The following RAB40B variants were observed in gnomAD, a reference collection of about 807,000 sequenced individuals.
The protein encoded by RAB40B is ras-related protein Rab-40B.
In RAB40B, 21 loss-of-function variants were observed where a neutral mutation model predicts 24.0. The observed-to-expected ratio is 0.88, with a 90% CI of 0.62 to 1.26. RAB40B has a LOEUF of 1.26. Among genes scored for constraint, RAB40B ranks in the 50% most tolerant of loss-of-function variants. The pLI is 0.00. For synonymous variants in RAB40B, 167 were observed against 169.8 expected (o/e 0.98, Z 0.13); for missense variants, 348 against 390.5 (o/e 0.89, Z 0.92).
At chr17:82,662,120 TTG>T in intron 2 of RAB40B, 1 of 985,396 alleles carries the variant, frequency 1.0e-6, no homozygotes, top group Non-Finnish European at 1.2e-6. Flanking sequence ...GTTTTGCTGT[TTG>T]TGTCACATGC....
In RAB40B at chr17:82,697,294, T is replaced by C. The variant is rs2046619696; in HGVS notation, c.142+1161A>G. ...GGTGCTCACGCCGCCTGCCTGGAGCTGCCCTTAGGGGACAGCCTGCACCCT... is the reference window on the plus strand; with the variant it reads ...GGTGCTCACGCCGCCTGCCTGGAGCCGCCCTTAGGGGACAGCCTGCACCCT... On this transcript the variant is annotated intron_variant, in intron 1 of 5. Coordinates refer to ENST00000571995, the MANE Select transcript of RAB40B (RefSeq NM_006822.3). This position sits in a 1 kb window ranked among gnomAD's most constrained non-coding sequence, Gnocchi z 4.9. Among the ~76,000 whole-genome samples the C allele has an allele frequency of 6.6e-6, 1 of 152,080 alleles. No individual in the cohort carries two copies. The highest frequency in any genetic ancestry group is 1.5e-5 in the Non-Finnish European group (1 of 68,010).
chr17:82,667,152 G>A lies in RAB40B; in HGVS notation c.143-2596C>T, dbSNP rs530609684. Among the ~76,000 whole-genome samples the A allele has an allele frequency of 3.3e-5, 5 of 152,318 alleles. No individual in the cohort carries two copies. The South Asian group carries it at 6.2e-4, about 19-fold the overall frequency. ...AAAAATGCGAGGCTGCGGAGGCCAC[G>A]GTTCTCAAGCAGCTTCTGCCCCCTC... On this transcript the variant is annotated intron_variant, in intron 1 of 5. Transcript: ENST00000571995. The surrounding 1 kb of genome is among the most constrained non-coding windows in gnomAD (Gnocchi z 4.3).
intron 1 of RAB40B, among the ~76,000 whole-genome samples, chr17:82,676,503 C>T (rs756384225): frequency 6.6e-5 from 10 of 151,566 alleles, no homozygotes; most frequent in Non-Finnish European, 1.3e-4. Context: ...AATTCCGTGG[C>T]GAGTCTCTCG....
intron 1 of RAB40B, chr17:82,696,626 G>C (rs1368959340): frequency 9.3e-6 from 1 of 107,030 alleles, no homozygotes; most frequent in Non-Finnish European, 1.9e-5. Context: ...TGTCCTCCAG[G>C]CGCTCAATCT....
At chr17:82,680,462 C>G (rs1028204500) in intron 1 of RAB40B, among the ~76,000 whole-genome samples, 5 of 152,092 alleles carry the variant, frequency 3.3e-5, no homozygotes, top group African/African-American at 1.2e-4. Flanking sequence ...GAGGCCACCC[C>G]ACCAAGGCTG....
intron 1 of RAB40B, among the ~76,000 whole-genome samples, chr17:82,682,488 C>T (rs928328887): frequency 6.6e-5 from 10 of 152,296 alleles, no homozygotes; most frequent in Admixed American, 2.0e-4. Flanking sequence ...CAAGTCTCCC[C>T]AATTGATCTA....
In RAB40B at chr17:82,661,000, GAGTAGGAGCGGAATATGGT is replaced by G. The variant is rs2143453398; in HGVS notation, c.232_250del (p.Thr78ProfsTer7). 1.2e-6 allele frequency: 2 copies of G among 1,614,096 alleles called. No individual in the cohort carries two copies. The highest frequency in any genetic ancestry group is 4.5e-5 in the East Asian group (2 of 44,884). ...ATGCTGTGTTACCTGTGCGCCCCGGGAGTAGGAGCGGAATATGGTACAAAATCTTCCCTGGCCTGAAGTA... is the reference window on the plus strand; with the variant it reads ...ATGCTGTGTTACCTGTGCGCCCCGGGACAAAATCTTCCCTGGCCTGAAGTA... On this transcript the variant is annotated frameshift_variant, in exon 3 of 6. Transcript: ENST00000571995. LOFTEE classifies it high-confidence loss of function.
At chr17:82,665,602 G>A (rs187096933) in intron 1 of RAB40B, among the ~76,000 whole-genome samples, 2 of 152,210 alleles carry the variant, frequency 1.3e-5, no homozygotes, top group African/African-American at 4.8e-5. Context: ...TGCGGTGGCT[G>A]ACGCCTGTCA....
chr17:82,670,852 C>T (rs536080270), intron 1 of RAB40B, among the ~76,000 whole-genome samples: 2 of 151,934 alleles, frequency 1.3e-5, no homozygotes, highest in Non-Finnish European at 1.5e-5. Context: ...TCTTTTTAAG[C>T]GCCCTACGAG....
chr17:82,659,722 G>A (rs193184411), intron 3 of RAB40B, 65 bp from the exon 4 acceptor site: 20 of 1,297,912 alleles, frequency 1.5e-5, no homozygotes, highest in East Asian at 2.3e-5. Flanking sequence ...GGCCATGCAC[G>A]CAAAGACATA....
chr17:82,674,648 A>AAAAG (rs1555657563), intron 1 of RAB40B, among the ~76,000 whole-genome samples: 23 of 151,642 alleles, frequency 1.5e-4, no homozygotes, highest in East Asian at 9.7e-4. Flanking sequence ...AAAAAAAAAA[A>AAAAG]AAAAGAAAAG....
In RAB40B at chr17:82,664,360, G is replaced by C; in HGVS notation, c.203+136C>G. The C allele has an allele frequency of 5.2e-6, 4 of 776,214 alleles. No individual in the cohort carries two copies. The East Asian group carries it at 1.1e-4, about 21-fold the overall frequency. The allele number at this position is 776,214 out of a possible 1,614,324, so 48.1% of individuals were successfully genotyped here. A position where few individuals can be genotyped will look rare whatever the true frequency, so the allele number is the denominator to read the frequency against. ...CTGTGCCGACGGTGGTGGTGGGAGGGTGTTCCCGGGGGCGCTGTGCCGATG... is the reference window on the plus strand; with the variant it reads ...CTGTGCCGACGGTGGTGGTGGGAGGCTGTTCCCGGGGGCGCTGTGCCGATG... On this transcript the variant is annotated intron_variant, in intron 2 of 5. Transcript: ENST00000571995.
chr17:82,674,335 C>T (rs1397404586), intron 1 of RAB40B, among the ~76,000 whole-genome samples: 6 of 142,054 alleles, frequency 4.2e-5, no homozygotes, highest in Non-Finnish European at 6.1e-5. Context: ...AGTGAAACTC[C>T]GTCTCAAAAG....
intron 1 of RAB40B, among the ~76,000 whole-genome samples, chr17:82,678,445 G>A (rs2046416663): frequency 6.6e-6 from 1 of 152,182 alleles, no homozygotes; most frequent in Non-Finnish European, 1.5e-5. Flanking sequence ...AAAGGGAGAA[G>A]TCAAATGCCA....
chr17:82,669,201 C>G (rs1369560947), intron 1 of RAB40B, among the ~76,000 whole-genome samples: 1 of 152,082 alleles, frequency 6.6e-6, no homozygotes, highest in South Asian at 2.1e-4. Context: ...AGGGCCTGGG[C>G]GCGGTGGCTC....
chr17:82,660,073 CAT>C (rs1354101039), intron 3 of RAB40B, among the ~76,000 whole-genome samples: 25 of 151,054 alleles, frequency 1.7e-4, no homozygotes, highest in African/African-American at 5.8e-4. Flanking sequence ...ACACATGTTG[CAT>C]ACACACACGC....
chr17:82,697,862 C>A lies in RAB40B; in HGVS notation c.142+593G>T, dbSNP rs766722986. On this transcript the variant is annotated intron_variant, in intron 1 of 5. Transcript: ENST00000571995. The surrounding 1 kb of genome is among the most constrained non-coding windows in gnomAD (Gnocchi z 4.9). ...CGTGGGGGGTCCCCTCTTCCGCACG[C>A]GAGTCACCTGTGCTCCTTCCTCTCC... Among the ~76,000 whole-genome samples the A allele has an allele frequency of 5.3e-5, 8 of 152,218 alleles. No individual in the cohort carries two copies. Among genetic ancestry groups the A allele is most frequent in the Non-Finnish European group, 1.2e-4 (8 of 68,036 alleles).
chr17:82,694,335 C>T, intron 1 of RAB40B, among the ~76,000 whole-genome samples: 1 of 151,316 alleles, frequency 6.6e-6, no homozygotes, highest in African/African-American at 2.5e-5. Context: ...TTCGAGACCA[C>T]CCTGGCCAAC....
intron 1 of RAB40B, among the ~76,000 whole-genome samples, chr17:82,670,270 C>T (rs143541936): frequency 2.5e-4 from 38 of 151,514 alleles, no homozygotes; most frequent in African/African-American, 8.0e-4. Flanking sequence ...CTGCAACCTC[C>T]GCCCACCGGG....
Sources: gnomAD v4.1 joint callset for allele counts (sites outside exome capture counted in the v4.1 genomes callset) on GRCh38, gnomAD v4.1.1 for gene constraint, Gnocchi (gnomAD v3.1) non-coding constraint, MANE v1.5 for transcripts, NCBI Gene and HGNC (gene_info 2026-07-23, HGNC 2026-07-21) for gene names.